The following CPSF6 variants were observed in gnomAD, a reference collection of about 807,000 sequenced individuals.
CPSF6 encodes the protein cleavage and polyadenylation specificity factor subunit 6.
A neutral mutation model predicts 56.7 loss-of-function variants in CPSF6; 10 were observed. That is an observed-to-expected ratio of 0.18 (90% CI 0.11 to 0.30). CPSF6 has a LOEUF of 0.30. Ranked by LOEUF, CPSF6 falls within the 10% of genes least tolerant of loss-of-function variation. The pLI is 1.00. For missense variants in CPSF6, 419 were observed against 722.9 expected (o/e 0.58, Z 4.82); for synonymous variants, 248 against 244.8 (o/e 1.01, Z -0.12).
chr12:69,271,353 A>G lies in CPSF6; in HGVS notation c.*1845A>G, dbSNP rs1873233752. ...CTACAATGCCCTAATGCGAAGAAGT[A>G]TGGACATATAAATATTACAAGAGAA... On this transcript the variant is annotated 3_prime_UTR_variant, in exon 10 of 10. Transcript: ENST00000435070. 1 of 152,164 alleles carries G rather than the reference A, an allele frequency of 6.6e-6. No homozygotes were observed. Among genetic ancestry groups the G allele is most frequent in the South Asian group, 2.1e-4 (1 of 4,830 alleles). The allele number at this position is 152,164 out of a possible 1,614,324, so 9.4% of individuals were successfully genotyped here.
At chr12:69,253,232 T>A in intron 3 of CPSF6, 78 bp downstream of exon 3, 1 of 746,164 alleles carries the variant, frequency 1.3e-6, no homozygotes, top group Non-Finnish European at 2.3e-6. Flanking sequence ...TTTAAGTTAA[T>A]GTTAATTACA....
chr12:69,250,372 G>T (rs1872169736), intron 1 of CPSF6, among the ~76,000 whole-genome samples: 1 of 151,770 alleles, frequency 6.6e-6, no homozygotes, highest in African/African-American at 2.4e-5. Flanking sequence ...TCCAAGGAAA[G>T]TTTCATGTTA....
chr12:69,270,176 T>C lies in CPSF6; in HGVS notation c.*668T>C, dbSNP rs1296558431. ...AATAGGTGATTACATGGATATTTAA[T>C]ATTTCTATATTCTGCTTTTCTAGCT... is the stretch of plus-strand genomic sequence containing the variant. On this transcript the variant is annotated 3_prime_UTR_variant, in exon 10 of 10. Coordinates refer to ENST00000435070, the MANE Select transcript of CPSF6 (RefSeq NM_007007.3). 6.6e-6 allele frequency: 1 copy of C among 152,206 alleles called. No individual in the cohort carries two copies. Among genetic ancestry groups the C allele is most frequent in the Non-Finnish European group, 1.5e-5 (1 of 67,696 alleles). 9.4% of individuals were successfully genotyped at this position (152,206 alleles called of 1,614,324 possible).
rs184245251 is a variant in CPSF6 at position 69,242,340 on chromosome 12, A to G, written c.60+2634A>G. On this transcript the variant is annotated intron_variant, in intron 1 of 9. Coordinates refer to ENST00000435070, the MANE Select transcript of CPSF6 (RefSeq NM_007007.3). ...TGCTGAGTCTTCTATTTTAAATGTC[A>G]TACTTTTATGAAGCTTTTTTGTATT... is the stretch of plus-strand genomic sequence containing the variant. Among the ~76,000 whole-genome samples, 10 of 151,958 alleles carry G rather than the reference A, an allele frequency of 6.6e-5. No individual in the cohort carries two copies. In the East Asian group the frequency reaches 1.9e-3, roughly 29 times the overall value.
chr12:69,249,873 A>G (rs566232361), intron 1 of CPSF6, among the ~76,000 whole-genome samples: 2 of 152,084 alleles, frequency 1.3e-5, no homozygotes, highest in South Asian at 4.2e-4. Flanking sequence ...TCATTTAGGC[A>G]TGTAAGTGAC....
chr12:69,256,538 C>T (rs936720909), intron 3 of CPSF6, among the ~76,000 whole-genome samples, 159 bp from the exon 4 acceptor site: 2 of 152,180 alleles, frequency 1.3e-5, no homozygotes, highest in South Asian at 2.1e-4. Flanking sequence ...AAGCAATCCT[C>T]GTGCCTCAAC....
chr12:69,262,317 A>G, intron 8 of CPSF6, 56 bp from the exon 9 acceptor site: 2 of 1,444,348 alleles, frequency 1.4e-6, no homozygotes, highest in South Asian at 1.7e-5. Context: ...AAAAAATTGA[A>G]TATTTTTAGG....
intron 1 of CPSF6, among the ~76,000 whole-genome samples, chr12:69,240,071 G>C (rs1266761735): frequency 6.6e-6 from 1 of 151,142 alleles, no homozygotes; most frequent in Admixed American, 6.6e-5. Flanking sequence ...GGAGAGAACT[G>C]GCCGCCGCCG....
Position 69,259,421 on chromosome 12 carries a change from T to C in CPSF6, c.1200-7T>C. 6.2e-7 allele frequency: 1 copy of C among 1,609,960 alleles called. No individual in the cohort carries two copies. Among genetic ancestry groups the C allele is most frequent in the South Asian group, 1.1e-5 (1 of 90,336 alleles). ...TATGAGTTAAGGTTTATGTTTTTGT[T>C]TTACAGGGAAATGGATACTGCAAGA... On this transcript the variant is annotated splice_region_variant and splice_polypyrimidine_tract_variant and intron_variant, in intron 6 of 9. Coordinates refer to ENST00000435070, the MANE Select transcript of CPSF6 (RefSeq NM_007007.3).
chr12:69,240,527 G>C (rs1236596431), intron 1 of CPSF6, among the ~76,000 whole-genome samples: 5 of 152,116 alleles, frequency 3.3e-5, no homozygotes, highest in African/African-American at 1.2e-4. Flanking sequence ...AGGAAGAATT[G>C]GAAGCGCGAT....
rs147653170 is a variant in CPSF6 at position 69,271,292 on chromosome 12, A to G, written c.*1784A>G. ...ATCAAAATTTTCCTGTTTTCTGTATATTGTTGTGTCATTTCTTGGCTTTTT... is the reference window on the plus strand; with the variant it reads ...ATCAAAATTTTCCTGTTTTCTGTATGTTGTTGTGTCATTTCTTGGCTTTTT... On this transcript the variant is annotated 3_prime_UTR_variant, in exon 10 of 10. Transcript: ENST00000435070. The G allele has an allele frequency of 1.3e-5, 2 of 152,126 alleles. No individual in the cohort carries two copies. The highest frequency in any genetic ancestry group is 1.9e-4 in the East Asian group (1 of 5,184). The allele number at this position is 152,126 out of a possible 1,614,324, so 9.4% of individuals were successfully genotyped here. A position where few individuals can be genotyped will look rare whatever the true frequency, so the allele number is the denominator to read the frequency against.
chr12:69,248,782 T>C (rs898509591), intron 1 of CPSF6, among the ~76,000 whole-genome samples: 22 of 152,192 alleles, frequency 1.4e-4, no homozygotes, highest in Admixed American at 8.5e-4. Context: ...ATAAGTCTTA[T>C]AGACATTCTA....
intron 9 of CPSF6, among the ~76,000 whole-genome samples, chr12:69,265,759 CG>C (rs1186873810): frequency 6.6e-6 from 1 of 151,826 alleles, no homozygotes; most frequent in Non-Finnish European, 1.5e-5. Flanking sequence ...TGTGGCACCA[CG>C]CCCGGCTAAT....
intron 2 of CPSF6, among the ~76,000 whole-genome samples, chr12:69,251,841 G>T (rs1479647361): frequency 1.3e-5 from 2 of 152,118 alleles, no homozygotes; most frequent in Non-Finnish European, 1.5e-5. Flanking sequence ...AATTTGGGTT[G>T]TCATGAGACT....
chr12:69,267,761 T>G (rs1399283839), intron 9 of CPSF6, among the ~76,000 whole-genome samples: 1 of 151,908 alleles, frequency 6.6e-6, no homozygotes, highest in Non-Finnish European at 1.5e-5. Flanking sequence ...TATGTCTGTA[T>G]GGTGAAAATT....
chr12:69,256,304 G>T (rs1428429993), intron 3 of CPSF6, among the ~76,000 whole-genome samples: 1 of 151,994 alleles, frequency 6.6e-6, no homozygotes, highest in Admixed American at 6.5e-5. Flanking sequence ...TTATGGTGGT[G>T]GTTATAACAC....
At position 69,271,110 on chromosome 12, in the gene CPSF6, C is replaced by A. The variant is rs1410567475; in HGVS notation, c.*1602C>A. On this transcript the variant is annotated 3_prime_UTR_variant, in exon 10 of 10. Coordinates refer to ENST00000435070, the MANE Select transcript of CPSF6 (RefSeq NM_007007.3). ...TGACAAAATTAGCTGTTTTGAATTA[C>A]CCATATCACTGCCAGTTTTATTTTA... The A allele has an allele frequency of 6.6e-6, 1 of 152,152 alleles. No individual in the cohort carries two copies. The highest frequency in any genetic ancestry group is 2.4e-5 in the African/African-American group (1 of 41,414). 9.4% of individuals were successfully genotyped at this position (152,152 alleles called of 1,614,324 possible).
chr12:69,263,178 A>G (rs1872823897), intron 9 of CPSF6, among the ~76,000 whole-genome samples: 1 of 152,008 alleles, frequency 6.6e-6, no homozygotes, highest in Non-Finnish European at 1.5e-5. Context: ...TGCAAAGAAG[A>G]TGTAAAAGTT....
At chr12:69,251,067 CAA>C (rs1232176983) in intron 1 of CPSF6, 60 bp from the exon 2 acceptor site, 30 of 1,473,138 alleles carry the variant, frequency 2.0e-5, no homozygotes, top group African/African-American at 2.8e-5. Context: ...AATTTGTATT[CAA>C]GTCTATTTTA....
Sources: allele counts gnomAD v4.1 joint callset (sites outside exome capture counted in the v4.1 genomes callset), GRCh38; gene constraint gnomAD v4.1.1; transcripts MANE v1.5; gene names NCBI Gene and HGNC (gene_info 2026-07-23, HGNC 2026-07-21).